The following VWCE variants were observed in gnomAD, a reference collection of about 807,000 sequenced individuals.
VWCE encodes the protein von Willebrand factor C and EGF domain-containing protein.
VWCE carries 68 observed loss-of-function variants against 102.9 expected under a neutral mutation model. That is an observed-to-expected ratio of 0.66 (90% CI 0.54 to 0.81). The LOEUF is 0.81. Among genes scored for constraint, VWCE ranks in the 30% least tolerant of loss-of-function variants. VWCE has a pLI of 0.00. For synonymous variants in VWCE, 497 were observed against 515.4 expected (o/e 0.96, Z 0.48); for missense variants, 1,137 against 1,263.6 (o/e 0.90, Z 1.52).
chr11:61,281,923 G>A lies in VWCE; in HGVS notation c.659-9C>T, dbSNP rs1484545780. 3 of 1,609,350 alleles carry A rather than the reference G, an allele frequency of 1.9e-6. No individual in the cohort carries two copies. The highest frequency in any genetic ancestry group is 2.5e-6 in the Non-Finnish European group (3 of 1,176,672). On this transcript the variant is annotated splice_polypyrimidine_tract_variant and intron_variant, in intron 6 of 19. Transcript: ENST00000335613. ...CCGACACTCGTTTACATCTGCGGGAGAGCCTCGCTGCGGACAGCTGCTTTG... is the reference window on the plus strand; with the variant it reads ...CCGACACTCGTTTACATCTGCGGGAAAGCCTCGCTGCGGACAGCTGCTTTG...
intron 5 of VWCE, among the ~76,000 whole-genome samples, chr11:61,283,281 C>G (rs1441094059): frequency 6.6e-6 from 1 of 152,198 alleles, no homozygotes; most frequent in Non-Finnish European, 1.5e-5. Context: ...TCCCACAGGC[C>G]ACAGACCTCA....
chr11:61,282,478 C>T, intron 6 of VWCE: 1 of 297,486 alleles, frequency 3.4e-6, no homozygotes, highest in East Asian at 7.2e-5. Context: ...CTTTATTTAC[C>T]AAGGGGAGCA....
intron 12 of VWCE, 80 bp downstream of exon 12, chr11:61,274,419 C>A: frequency 1.5e-6 from 2 of 1,361,108 alleles, no homozygotes; most frequent in South Asian, 1.2e-5. Flanking sequence ...TTCTCCTAGT[C>A]ATGTCAACCT....
intron 4 of VWCE, among the ~76,000 whole-genome samples, chr11:61,288,083 G>T (rs1232257556): frequency 1.4e-5 from 2 of 144,294 alleles, no homozygotes; most frequent in African/African-American, 2.7e-5. Context: ...GCTGAACCAG[G>T]AAGTCAGAGG....
intron 16 of VWCE, 57 bp downstream of exon 16, chr11:61,267,405 C>T (rs1191011881): frequency 2.6e-5 from 40 of 1,547,974 alleles, no homozygotes; most frequent in East Asian, 9.0e-5. Flanking sequence ...ATTCAGGAGC[C>T]GATGTCAGTT....
chr11:61,281,959 G>T, intron 6 of VWCE, 45 bp from the exon 7 acceptor site: 1 of 1,588,350 alleles, frequency 6.3e-7, no homozygotes, highest in Non-Finnish European at 8.6e-7. Flanking sequence ...TTTGGGCTAC[G>T]GAGCCCTTCT....
chr11:61,276,641 CAGA>C lies in VWCE; in HGVS notation c.1444_1446del (p.Ser482del), dbSNP rs759234730. ...GTCTGTGGGGGGGTCTGACAGGGGC[CAGA>C]AGGACACTCAGGAGAGATGCAGGAC... On this transcript the variant is annotated inframe_deletion, in exon 11 of 20. Transcript: ENST00000335613. 5.0e-6 allele frequency: 8 copies of C among 1,607,496 alleles called. No individual in the cohort carries two copies. The highest frequency in any genetic ancestry group is 1.7e-4 in the Middle Eastern group (1 of 6,020).
At chr11:61,289,264 GT>G (rs908143454) in intron 4 of VWCE, among the ~76,000 whole-genome samples, 9 of 150,982 alleles carry the variant, frequency 6.0e-5, no homozygotes, top group African/African-American at 2.2e-4. Flanking sequence ...TTTTCTTTTT[GT>G]TTTTTTGAGA....
intron 13 of VWCE, 62 bp downstream of exon 13, chr11:61,273,137 G>T: frequency 6.5e-7 from 1 of 1,529,758 alleles, no homozygotes; most frequent in Non-Finnish European, 9.1e-7. Flanking sequence ...AGCAGCAGGT[G>T]AAGCTCAGCC....
Position 61,276,623 on chromosome 11 carries a change from G to A in VWCE, c.1465C>T (p.Pro489Ser). The change falls in exon 11 of 20, where the codon CCA (proline) becomes TCA (serine). Residue 489 changes from proline to serine, a missense_variant. Physicochemically the swap from Pro to Ser is moderately conservative, Grantham distance 74. This residue lies in a region of VWCE where 212 missense variants were observed against 235.1 expected (regional missense o/e 0.90). Coordinates refer to ENST00000335613, the MANE Select transcript of VWCE (RefSeq NM_152718.2). ...ACACAAGTACAGCAATCCGTCTGTGGGGGGGTCTGACAGGGGCCAGAAGGA... is the reference window on the plus strand; with the variant it reads ...ACACAAGTACAGCAATCCGTCTGTGAGGGGGTCTGACAGGGGCCAGAAGGA... Reference protein sequence around the residue: ...ECPSGPCQTPPQTDCCTCVPV... With the variant: ...ECPSGPCQTPSQTDCCTCVPV... 1 of 1,606,680 alleles carries A rather than the reference G, an allele frequency of 6.2e-7. No individual in the cohort carries two copies. Among genetic ancestry groups the A allele is most frequent in the Non-Finnish European group, 8.5e-7 (1 of 1,176,528 alleles).
At chr11:61,278,315 C>G in intron 10 of VWCE, 79 bp downstream of exon 10, 1 of 1,476,428 alleles carries the variant, frequency 6.8e-7, no homozygotes. Context: ...CCTTTAACAT[C>G]CGGTCTTTTC....
chr11:61,263,921 A>T (rs1008111284), intron 19 of VWCE, among the ~76,000 whole-genome samples: 2 of 152,192 alleles, frequency 1.3e-5, no homozygotes, highest in African/African-American at 4.8e-5. Context: ...AAGAAAGGGG[A>T]TAAAGAAGAA....
rs78582487 is a variant in VWCE, at chr11:61,273,176, G to C, written c.1699+23C>G. On this transcript the variant is annotated intron_variant, in intron 13 of 19. Coordinates refer to ENST00000335613, the MANE Select transcript of VWCE (RefSeq NM_152718.2). ...CTCCCCAGTATCCATGCCCTGTGTC[G>C]GGGCAGCCCTGGACCAGCTCACCTG... 3.7e-6 allele frequency: 6 copies of C among 1,609,604 alleles called. No individual in the cohort carries two copies. The African/African-American group carries it at 6.7e-5, about 18-fold the overall frequency.
Position 61,263,781 on chromosome 11 carries a change from G to A in VWCE, c.2230+706C>T, listed in dbSNP as rs80338235. 7.7e-3 allele frequency among the ~76,000 whole-genome samples: 1,180 copies of A among 152,304 alleles called. 17 individuals are homozygous for A. Among genetic ancestry groups the A allele is most frequent in the African/African-American group, 0.027 (1,126 of 41,540 alleles). On this transcript the variant is annotated intron_variant, in intron 19 of 19. Coordinates refer to ENST00000335613, the MANE Select transcript of VWCE (RefSeq NM_152718.2). ...ACAGGAGGATGACAAGAGTATTGCA[G>A]GGGTGTAGACACATGAGGTGTCCCG...
chr11:61,283,020 C>G, intron 5 of VWCE, 115 bp from the exon 6 acceptor site: 1 of 868,204 alleles, frequency 1.2e-6, no homozygotes, highest in African/African-American at 1.6e-5. Context: ...TGTGGGGAAC[C>G]ACCTTAGCTG....
Position 61,291,483 on chromosome 11 carries a change from C to G in VWCE, c.204G>C (p.Leu68=), listed in dbSNP as rs762539044. The change falls in exon 2 of 20, where the codon CTG becomes CTC. Residue 68 remains leucine, a splice_region_variant and synonymous_variant. Coordinates refer to ENST00000335613, the MANE Select transcript of VWCE (RefSeq NM_152718.2). The part of the protein sequence containing the change: ...APSMGGGHCT[L]PLCSFGCGSG... ...TGGGGCACAGGGACAAGCACTTACG[C>G]AGGGTGCAGTGCCCACCACCCATAG... The G allele has an allele frequency of 1.3e-6, 2 of 1,555,704 alleles. No homozygotes were observed. Among genetic ancestry groups the G allele is most frequent in the Non-Finnish European group, 1.7e-6 (2 of 1,149,118 alleles).
At chr11:61,260,042 G>T (rs550595642) in intron 19 of VWCE, among the ~76,000 whole-genome samples, 2 of 152,280 alleles carry the variant, frequency 1.3e-5, no homozygotes, top group East Asian at 1.9e-4. Context: ...ATCACCTGAG[G>T]TCAGGAGTTC....
At position 61,258,539 on chromosome 11, in the gene VWCE, C is replaced by T; in HGVS notation, c.*136G>A. The T allele has an allele frequency of 1.1e-6, 1 of 887,696 alleles. No homozygotes were observed. The highest frequency in any genetic ancestry group is 1.5e-6 in the Non-Finnish European group (1 of 666,806). The allele number at this position is 887,696 out of a possible 1,614,324, so 55.0% of individuals were successfully genotyped here. A position where few individuals can be genotyped will look rare whatever the true frequency, so the allele number is the denominator to read the frequency against. On this transcript the variant is annotated 3_prime_UTR_variant, in exon 20 of 20. Coordinates refer to ENST00000335613, the MANE Select transcript of VWCE (RefSeq NM_152718.2). The stretch of plus-strand genomic sequence containing the variant: ...CAAGGTTACATCCAGCCTTGGGGGT[C>T]TTCCATCCTCACCAGGGCCCCTGCA...
At chr11:61,292,819 G>A (rs1013950498) in intron 1 of VWCE, among the ~76,000 whole-genome samples, 2 of 152,120 alleles carry the variant, frequency 1.3e-5, no homozygotes, top group African/African-American at 4.8e-5. Flanking sequence ...GGTCAGGGGG[G>A]GTTCCTGGAA....
Sources: allele counts gnomAD v4.1 joint callset (sites outside exome capture counted in the v4.1 genomes callset), GRCh38; gene constraint gnomAD v4.1.1; regional missense constraint gnomAD v4.1.1; transcripts MANE v1.5; gene names NCBI Gene and HGNC (gene_info 2026-07-23, HGNC 2026-07-21).